DNAJB14: variants seen among roughly 807,000 people sequenced by gnomAD.
The protein encoded by DNAJB14 is dnaJ homolog subfamily B member 14.
Under a neutral mutation model 48.4 loss-of-function variants are expected in DNAJB14, and 22 were observed. That is an observed-to-expected ratio of 0.45 (90% CI 0.32 to 0.65). The LOEUF (loss-of-function observed/expected upper bound fraction) is 0.65, where lower values mean the gene tolerates loss of function less well. DNAJB14 is among the 30% of genes least tolerant of loss of function. DNAJB14 has a pLI of 0.03. For synonymous variants in DNAJB14, 142 were observed against 158.7 expected (o/e 0.89, Z 0.79); for missense variants, 319 against 458.8 (o/e 0.70, Z 2.78).
At chr4:99,925,276 T>C (rs1726210222) in intron 2 of DNAJB14, 1 of 153,220 alleles carries the variant, frequency 6.5e-6, no homozygotes. Context: ...TATTTTTTAT[T>C]GTTGTATTGT....
In DNAJB14 at chr4:99,946,563, C is replaced by G. The variant is rs749873075; in HGVS notation, c.9G>C (p.Gly3=). The G allele has an allele frequency of 1.2e-6, 2 of 1,613,758 alleles. No individual in the cohort carries two copies. The highest frequency in any genetic ancestry group is 1.7e-6 in the Non-Finnish European group (2 of 1,179,750). ...CACATTTCTCAGCCTCATCCCTGTT[C>G]CCCTCCATAGCTTGCTCCTTCTTCC... ME[G]NRDEAEKCVE... is the part of the protein sequence containing the mutation. Residue 3 remains glycine (G), a synonymous_variant, in exon 1 of 8, where the codon GGG becomes GGC. Coordinates refer to ENST00000442697, the MANE Select transcript of DNAJB14 (RefSeq NM_001031723.4).
In DNAJB14 at chr4:99,921,070, G is replaced by A. The variant is rs184519991; in HGVS notation, c.451+1970C>T. On this transcript the variant is annotated intron_variant, in intron 3 of 7. Coordinates refer to ENST00000442697, the MANE Select transcript of DNAJB14 (RefSeq NM_001031723.4). ...CCATTTCTGTGTGATGATGCCATCT[G>A]TAATATTTTCTAATTAACTACTGTT... Among the ~76,000 whole-genome samples the A allele has an allele frequency of 1.1e-3, 174 of 152,294 alleles. 1 individual carries two copies. Among genetic ancestry groups the A allele is most frequent in the African/African-American group, 4.1e-3 (172 of 41,556 alleles).
At position 99,934,789 on chromosome 4, in the gene DNAJB14, C is replaced by CAAAAAAAAAAAAAAAAAAAAAAAAAAAAA. The variant is rs1167945149; in HGVS notation, c.134-4197_134-4169dup. Among the ~76,000 whole-genome samples, 2 of 6,776 alleles carry CAAAAAAAAAAAAAAAAAAAAAAAAAAAAA rather than the reference C, an allele frequency of 3.0e-4. 1 individual carries two copies. The highest frequency in any genetic ancestry group is 4.9e-4 in the Non-Finnish European group (2 of 4,104). 4.4% of individuals were successfully genotyped at this position (6,776 alleles called of 152,430 possible). ...CCTGGGTGACAGAGCAAGACTGTCT[C>CAAAAAAAAAAAAAAAAAAAAAAAAAAAAA]AAAAAAAAAAAAAAAAAAAAAAAAA... On this transcript the variant is annotated intron_variant, in intron 1 of 7. Transcript: ENST00000442697.
intron 1 of DNAJB14, among the ~76,000 whole-genome samples, chr4:99,937,682 T>C (rs2110222197): frequency 6.6e-6 from 1 of 151,162 alleles, no homozygotes; most frequent in East Asian, 2.0e-4. Flanking sequence ...GCCACGATCA[T>C]GCCACTACAC....
Position 99,946,600 on chromosome 4 carries a change from C to T in DNAJB14, c.-29G>A, listed in dbSNP as rs546092392. The T allele has an allele frequency of 3.1e-6, 5 of 1,611,406 alleles. No homozygotes were observed. Among genetic ancestry groups the T allele is most frequent in the Admixed American group, 1.7e-5 (1 of 59,930 alleles). ...TTGCTCCTTCTTCCGTTTCCTCCGG[C>T]AGCGCAGCTAAGAAGGGCGGAAGCC... is the stretch of plus-strand genomic sequence containing the variant. On this transcript the variant is annotated 5_prime_UTR_variant, in exon 1 of 8. Coordinates refer to ENST00000442697, the MANE Select transcript of DNAJB14 (RefSeq NM_001031723.4).
At chr4:99,917,311 C>T (rs148118926) in intron 3 of DNAJB14, among the ~76,000 whole-genome samples, 121 of 152,300 alleles carry the variant, frequency 7.9e-4, no homozygotes, top group African/African-American at 2.8e-3. Context: ...ATTCAGACTA[C>T]TATAACAAAA....
At chr4:99,919,517 G>A (rs1489183478) in intron 3 of DNAJB14, among the ~76,000 whole-genome samples, 1 of 152,146 alleles carries the variant, frequency 6.6e-6, no homozygotes, top group African/African-American at 2.4e-5. Context: ...CCGAGAGGCA[G>A]AGGTTGCGGT....
chr4:99,922,252 T>G (rs949998064), intron 3 of DNAJB14, among the ~76,000 whole-genome samples: 2 of 152,314 alleles, frequency 1.3e-5, no homozygotes, highest in Non-Finnish European at 2.9e-5. Context: ...TTCTTCTACC[T>G]TTTTGGAAGA....
intron 2 of DNAJB14, chr4:99,928,695 A>G (rs1342437629): frequency 3.2e-6 from 1 of 310,216 alleles, no homozygotes; most frequent in African/African-American, 2.2e-5. Flanking sequence ...CAAAACTTTC[A>G]ACCATAGTTT....
chr4:99,903,938 C>A, intron 6 of DNAJB14, 40 bp from the exon 7 acceptor site: 1 of 1,572,806 alleles, frequency 6.4e-7, no homozygotes, highest in Non-Finnish European at 8.7e-7. Context: ...TAAAATTGGA[C>A]ATTCCAATAT....
intron 1 of DNAJB14, among the ~76,000 whole-genome samples, chr4:99,934,294 G>A (rs1423204053): frequency 1.3e-5 from 2 of 152,064 alleles, no homozygotes; most frequent in African/African-American, 4.8e-5. Flanking sequence ...ACATAAAAAT[G>A]AGTAAAAGAA....
intron 4 of DNAJB14, among the ~76,000 whole-genome samples, chr4:99,907,743 C>G (rs930070417): frequency 2.0e-5 from 3 of 152,028 alleles, no homozygotes; most frequent in African/African-American, 7.2e-5. Context: ...CCACCAGGTC[C>G]AATTATACTG....
intron 1 of DNAJB14, among the ~76,000 whole-genome samples, chr4:99,932,669 T>C (rs2110217412): frequency 6.6e-6 from 1 of 152,192 alleles, no homozygotes; most frequent in East Asian, 1.9e-4. Context: ...CCAAGAGAAA[T>C]GATATACAAA....
At chr4:99,923,752 T>C (rs1199973361) in intron 2 of DNAJB14, 1 of 959,718 alleles carries the variant, frequency 1.0e-6, no homozygotes, top group Non-Finnish European at 1.2e-6. Flanking sequence ...GGGCTGAGGC[T>C]AGTCTTGAAA....
chr4:99,912,900 TAA>T lies in DNAJB14; in HGVS notation c.452-4006_452-4005del, dbSNP rs371159577. ...TATAGCTTTCAGTATATAAATGTGA[TAA>T]AAGTTTTATTAAACTTACACCTAAG... On this transcript the variant is annotated intron_variant, in intron 3 of 7. Coordinates refer to ENST00000442697, the MANE Select transcript of DNAJB14 (RefSeq NM_001031723.4). Among the ~76,000 whole-genome samples the T allele has an allele frequency of 2.0e-3, 299 of 152,378 alleles. 3 individuals are homozygous for T. Among genetic ancestry groups the T allele is most frequent in the African/African-American group, 6.6e-3 (273 of 41,596 alleles).
At chr4:99,940,760 G>T (rs1726862224) in intron 1 of DNAJB14, among the ~76,000 whole-genome samples, 1 of 148,186 alleles carries the variant, frequency 6.7e-6, no homozygotes. Context: ...TAATCTACCT[G>T]TTTTTAGCTT....
In DNAJB14 at chr4:99,930,436, A is replaced by G. The variant is rs1441525241; in HGVS notation, c.305+14T>C. On this transcript the variant is annotated intron_variant, in intron 2 of 7. Coordinates refer to ENST00000442697, the MANE Select transcript of DNAJB14 (RefSeq NM_001031723.4). ...ACCAATTATGATTGAGATGTAAACC[A>G]TATTTATTCCTACCTGAGAACTCCA... is the stretch of plus-strand genomic sequence containing the variant. 4 of 1,576,196 alleles carry G rather than the reference A, an allele frequency of 2.5e-6. No homozygotes were observed. Among genetic ancestry groups the G allele is most frequent in the African/African-American group, 1.4e-5 (1 of 73,500 alleles).
chr4:99,918,687 C>T (rs887984005), intron 3 of DNAJB14, among the ~76,000 whole-genome samples: 3 of 152,166 alleles, frequency 2.0e-5, no homozygotes, highest in African/African-American at 7.2e-5. Flanking sequence ...ATGGGAACAT[C>T]AGGCCTCCAC....
intron 1 of DNAJB14, among the ~76,000 whole-genome samples, chr4:99,933,093 T>C (rs1208382804): frequency 1.3e-5 from 2 of 152,114 alleles, no homozygotes; most frequent in Non-Finnish European, 2.9e-5. Context: ...TGCAGCTCTG[T>C]TAAAATACTA....
Sources: gnomAD v4.1 joint callset for allele counts (sites outside exome capture counted in the v4.1 genomes callset) on GRCh38, gnomAD v4.1.1 for gene constraint, MANE v1.5 for transcripts, NCBI Gene and HGNC (gene_info 2026-07-23, HGNC 2026-07-21) for gene names.